The following PSD2 variants were observed in gnomAD, a reference collection of about 807,000 sequenced individuals.
PSD2 encodes the protein PH and SEC7 domain-containing protein 2.
Under a neutral mutation model 69.8 loss-of-function variants are expected in PSD2, and 38 were observed. The observed-to-expected ratio is 0.54, with a 90% CI of 0.42 to 0.71. PSD2 has a LOEUF of 0.71. Ranked by LOEUF, PSD2 falls within the 30% of genes least tolerant of loss-of-function variation. The pLI is 0.00. For missense variants in PSD2, 943 were observed against 1,014.5 expected (o/e 0.93, Z 0.96); for synonymous variants, 412 against 423.0 (o/e 0.97, Z 0.32).
Position 139,814,057 on chromosome 5 carries a change from C to A in PSD2, c.822-113C>A. The A allele has an allele frequency of 2.0e-6, 2 of 1,005,230 alleles. No homozygotes were observed. The highest frequency in any genetic ancestry group is 3.0e-6 in the Non-Finnish European group (2 of 666,752). The allele number at this position is 1,005,230 out of a possible 1,614,324, so 62.3% of individuals were successfully genotyped here. On this transcript the variant is annotated intron_variant, in intron 3 of 14. Coordinates refer to ENST00000274710, the MANE Select transcript of PSD2 (RefSeq NM_032289.4). The surrounding 1 kb of genome is among the most constrained non-coding windows in gnomAD (Gnocchi z 4.4). ...CTCCGGCTGCAGTGGAGCTTCTTTCCCTGTTCTGGCCCCTACATGGTTTGC... is the reference window on the plus strand; with the variant it reads ...CTCCGGCTGCAGTGGAGCTTCTTTCACTGTTCTGGCCCCTACATGGTTTGC...
upstream of PSD2, among the ~76,000 whole-genome samples, chr5:139,792,835 TTTC>T (rs1759438123): frequency 6.8e-6 from 1 of 146,702 alleles, no homozygotes; most frequent in Non-Finnish European, 1.5e-5. Context: ...CCTTCCTTCC[TTTC>T]TTTCTTTTTT....
upstream of PSD2, among the ~76,000 whole-genome samples, chr5:139,793,049 G>C (rs962547447): frequency 6.6e-6 from 1 of 152,010 alleles, no homozygotes; most frequent in African/African-American, 2.4e-5. Flanking sequence ...CTGGGTTCCA[G>C]TGATTCTCTT....
chr5:139,758,909 C>T, the PSD2 span, among the ~76,000 whole-genome samples: 3 of 148,100 alleles, frequency 2.0e-5, no homozygotes, highest in South Asian at 2.1e-4. Flanking sequence ...AAGCTGCCTT[C>T]GCCCAGGGTC....
chr5:139,835,652 T>G, intron 8 of PSD2, 71 bp from the exon 9 acceptor site: 1 of 1,461,402 alleles, frequency 6.8e-7, no homozygotes, highest in Non-Finnish European at 9.6e-7. Flanking sequence ...TGTACCCATG[T>G]TATTGGTGGT....
chr5:139,840,552 A>G (rs1372591508), intron 14 of PSD2, among the ~76,000 whole-genome samples: 1 of 141,012 alleles, frequency 7.1e-6, no homozygotes, highest in Non-Finnish European at 1.6e-5. Context: ...TCTCATTACT[A>G]TTTTTTTTTT....
At chr5:139,772,544 C>G in the PSD2 span, 3 of 152,718 alleles carry the variant, frequency 2.0e-5, no homozygotes, top group Non-Finnish European at 4.4e-5. Context: ...TCCTCCTCGT[C>G]CCCTCCTTTT....
chr5:139,819,290 G>T (rs1760198090), intron 5 of PSD2, among the ~76,000 whole-genome samples: 1 of 152,176 alleles, frequency 6.6e-6, no homozygotes, highest in African/African-American at 2.4e-5. Flanking sequence ...ATAGGGTCCA[G>T]GCCCTCGGAG....
chr5:139,778,945 C>CAAAAAAAAAAAAAAAAAAAAAAAA, the PSD2 span, among the ~76,000 whole-genome samples: 2 of 99,900 alleles, frequency 2.0e-5, no homozygotes, highest in Non-Finnish European at 4.2e-5. Context: ...AGAAAAAAAA[C>CAAAAAAAAAAAAAAAAAAAAAAAA]AAAAAAAAAA....
At chr5:139,756,847 C>T in the PSD2 span, among the ~76,000 whole-genome samples, 1 of 152,262 alleles carries the variant, frequency 6.6e-6, no homozygotes, top group East Asian at 1.9e-4. Flanking sequence ...ATTAGCTTCC[C>T]GCACTCTTCC....
At chr5:139,761,325 A>G in the PSD2 span, among the ~76,000 whole-genome samples, 8 of 152,210 alleles carry the variant, frequency 5.3e-5, no homozygotes, top group African/African-American at 1.9e-4. Context: ...ATTTGAACTC[A>G]GCCTTCTCCT....
chr5:139,814,307 G>T lies in PSD2; in HGVS notation c.959G>T (p.Arg320Leu). The T allele has an allele frequency of 6.2e-7, 1 of 1,613,142 alleles. No individual in the cohort carries two copies. Among genetic ancestry groups the T allele is most frequent in the Non-Finnish European group, 8.5e-7 (1 of 1,179,632 alleles). Residue 320 changes from arginine (R) to leucine (L), a missense_variant, in exon 4 of 15, where the codon CGT becomes CTT. Coordinates refer to ENST00000274710, the MANE Select transcript of PSD2 (RefSeq NM_032289.4). This position sits in a 1 kb window ranked among gnomAD's most constrained non-coding sequence, Gnocchi z 4.4. The stretch of plus-strand genomic sequence containing the variant: ...GAAGCTGCTCATCGGCTGGCACGCC[G>T]TCTCTACCACCTCGAGGGCTTCCAG... ...VSEAAHRLAR[R>L]LYHLEGFQRC...
At position 139,809,758 on chromosome 5, in the gene PSD2, G is replaced by A. The variant is rs200340393; in HGVS notation, c.318G>A (p.Glu106=). The change falls in exon 2 of 15, where the codon GAG becomes GAA. Residue 106 remains glutamate, a synonymous_variant. Coordinates refer to ENST00000274710, the MANE Select transcript of PSD2 (RefSeq NM_032289.4). ...CCTGGAGGGCTGGCGTGCTGGCAGAGGGGGACAATGCTTCCAGGAGCCTCT... is the reference window on the plus strand; with the variant it reads ...CCTGGAGGGCTGGCGTGCTGGCAGAAGGGGACAATGCTTCCAGGAGCCTCT... ...SRPWRAGVLA[E]GDNASRSLYP... The A allele has an allele frequency of 2.9e-4, 464 of 1,614,232 alleles. 3 individuals carry two copies. The highest frequency in any genetic ancestry group is 2.5e-3 in the South Asian group (224 of 91,082).
At chr5:139,757,493 G>T in the PSD2 span, among the ~76,000 whole-genome samples, 40 of 152,306 alleles carry the variant, frequency 2.6e-4, 1 homozygote, top group Admixed American at 2.5e-3. Context: ...GGTAGTGTCT[G>T]CCAGGCAGTC....
intron 7 of PSD2, among the ~76,000 whole-genome samples, chr5:139,824,142 A>G (rs1760346334): frequency 6.6e-6 from 1 of 152,184 alleles, no homozygotes; most frequent in Admixed American, 6.5e-5. Flanking sequence ...GGAGCACTCA[A>G]CAGGCCCCTC....
In PSD2 at chr5:139,801,204, C is replaced by CA. The variant is rs56715764; in HGVS notation, c.-51+5244dup. ...TGGATGACAGAGAGAGACTCCATCT[C>CA]AAAAAAAAAAAAAAAGATCTCTCCT... On this transcript the variant is annotated intron_variant, in intron 1 of 14. Transcript: ENST00000274710. Among the ~76,000 whole-genome samples the CA allele has an allele frequency of 2.4e-3, 310 of 127,074 alleles. 2 individuals carry two copies. Among genetic ancestry groups the CA allele is most frequent in the Middle Eastern group, 0.021 (5 of 240 alleles). The allele number at this position is 127,074 out of a possible 152,430, so 83.4% of individuals were successfully genotyped here. A position where few individuals can be genotyped will look rare whatever the true frequency, so the allele number is the denominator to read the frequency against.
chr5:139,824,983 A>G (rs1760379625), intron 7 of PSD2, among the ~76,000 whole-genome samples: 1 of 152,124 alleles, frequency 6.6e-6, no homozygotes, highest in Non-Finnish European at 1.5e-5. Flanking sequence ...TGCTCCTGAG[A>G]TGGGTGCAGT....
chr5:139,750,549 C>T, the PSD2 span, among the ~76,000 whole-genome samples: 5 of 152,186 alleles, frequency 3.3e-5, no homozygotes, highest in African/African-American at 9.7e-5. Flanking sequence ...TATGCTTCTG[C>T]CTGAAATGGT....
chr5:139,784,951 GT>G, the PSD2 span, among the ~76,000 whole-genome samples: 37 of 152,100 alleles, frequency 2.4e-4, no homozygotes, highest in East Asian at 7.0e-3. Context: ...TAGAGACAGG[GT>G]TTTAGCATGT....
chr5:139,800,629 G>A (rs1001194156), intron 1 of PSD2, among the ~76,000 whole-genome samples: 2 of 152,194 alleles, frequency 1.3e-5, no homozygotes, highest in Non-Finnish European at 2.9e-5. Flanking sequence ...CCTTTCAGCG[G>A]ATAATCTTTG....
Sources: allele counts gnomAD v4.1 joint callset (sites outside exome capture counted in the v4.1 genomes callset), GRCh38; gene constraint gnomAD v4.1.1; non-coding constraint Gnocchi (gnomAD v3.1); transcripts MANE v1.5; gene names NCBI Gene and HGNC (gene_info 2026-07-23, HGNC 2026-07-21).